PCDHA9: variants seen among roughly 807,000 people sequenced by gnomAD.
The protein encoded by PCDHA9 is protocadherin alpha 9, also known as protocadherin alpha-9.
In PCDHA9, 62 loss-of-function variants were observed where a neutral mutation model predicts 62.0. The ratio of observed to expected loss-of-function variants is 1.00; its 90% confidence interval spans 0.81 to 1.23. The LOEUF is 1.23. Among genes scored for constraint, PCDHA9 ranks in the 50% most tolerant of loss-of-function variants. The probability of loss-of-function intolerance (pLI) is 0.00; values close to 1 mark genes in which losing one functional copy is unlikely to be tolerated. For missense variants in PCDHA9, 1,205 were observed against 1,249.8 expected (o/e 0.96, Z 0.54); for synonymous variants, 557 against 567.6 (o/e 0.98, Z 0.27).
At chr5:140,897,486 A>G (rs183789033) in intron 1 of PCDHA9, among the ~76,000 whole-genome samples, 2 of 151,962 alleles carry the variant, frequency 1.3e-5, no homozygotes, top group Admixed American at 6.5e-5. Flanking sequence ...ATGATTTCCA[A>G]TTTCAACCAT....
chr5:140,871,567 AT>A (rs1441824086), intron 1 of PCDHA9: 5 of 1,483,054 alleles, frequency 3.4e-6, no homozygotes, highest in African/African-American at 1.4e-5. Context: ...TTTTTCACGG[AT>A]TTTTTAAGGG....
intron 3 of PCDHA9, among the ~76,000 whole-genome samples, chr5:140,984,053 TC>T (rs2097083610): frequency 6.6e-6 from 1 of 152,154 alleles, no homozygotes; most frequent in Non-Finnish European, 1.5e-5. Flanking sequence ...CATTGACAAA[TC>T]TGTACCCTCA....
chr5:140,994,149 G>A (rs1299780463), intron 3 of PCDHA9, among the ~76,000 whole-genome samples: 2 of 152,174 alleles, frequency 1.3e-5, no homozygotes, highest in Non-Finnish European at 2.9e-5. Context: ...TACGTAGGTA[G>A]GGTCAACGAA....
intron 1 of PCDHA9, among the ~76,000 whole-genome samples, chr5:140,944,386 T>C (rs1228891284): frequency 6.6e-6 from 1 of 152,054 alleles, no homozygotes; most frequent in Admixed American, 6.6e-5. Flanking sequence ...GGAGTCTCAC[T>C]GTGTTATCCA....
chr5:140,908,490 G>T (rs149646315), intron 1 of PCDHA9, among the ~76,000 whole-genome samples: 3,582 of 152,250 alleles, frequency 0.024, 49 homozygotes, highest in Middle Eastern at 0.034. Flanking sequence ...GGCAGTTCAG[G>T]TTGCTTGGTG....
Position 140,849,931 on chromosome 5 carries a change from C to T in PCDHA9, c.1436C>T (p.Ala479Val), listed in dbSNP as rs2150458140. Residue 479 changes from alanine (A) to valine (V), a missense_variant, in exon 1 of 4, where the codon GCG becomes GTG. Coordinates refer to ENST00000532602, the MANE Select transcript of PCDHA9 (RefSeq NM_031857.2). ...GGCTGCCACATCTTCACGGTGTCTG[C>T]GCGGGACGCTGACGCGCAGGAGAAC... ...PPGCHIFTVS[A>V]RDADAQENAL... 3 of 1,598,012 alleles carry T rather than the reference C, an allele frequency of 1.9e-6. No individual in the cohort carries two copies. The highest frequency in any genetic ancestry group is 1.7e-6 in the Non-Finnish European group (2 of 1,167,774).
intron 1 of PCDHA9, chr5:140,967,112 C>G: frequency 6.2e-7 from 1 of 1,612,994 alleles, no homozygotes; most frequent in Non-Finnish European, 8.5e-7. Context: ...GCAGCGGCCT[C>G]GCTGCCTGCT....
intron 1 of PCDHA9, among the ~76,000 whole-genome samples, chr5:140,947,914 GCCTTAAC>G (rs2094192185): frequency 6.6e-6 from 1 of 151,456 alleles, no homozygotes. Context: ...AGACATTCTT[GCCTTAAC>G]CCTGATCTTA....
intron 1 of PCDHA9, chr5:140,857,440 G>A (rs2044596243): frequency 6.3e-7 from 1 of 1,598,588 alleles, no homozygotes; most frequent in Non-Finnish European, 8.6e-7. Context: ...TGTTCGTGAA[G>A]GAGAACAACC....
intron 1 of PCDHA9, chr5:140,966,508 A>G (rs1288054154): frequency 9.2e-6 from 4 of 434,452 alleles, no homozygotes; most frequent in African/African-American, 4.1e-5. Context: ...TAGCGGCAGC[A>G]GCAGCAGGAA....
At chr5:140,978,763 A>G (rs932766044) in intron 1 of PCDHA9, among the ~76,000 whole-genome samples, 186 bp from the exon 2 acceptor site, 11 of 152,258 alleles carry the variant, frequency 7.2e-5, no homozygotes, top group Non-Finnish European at 1.3e-4. Flanking sequence ...GAGGACCCTG[A>G]TGAACTAATT....
chr5:140,959,254 G>A (rs1318438220), intron 1 of PCDHA9, among the ~76,000 whole-genome samples: 3 of 152,054 alleles, frequency 2.0e-5, no homozygotes, highest in Non-Finnish European at 2.9e-5. Context: ...GTGCATGACT[G>A]TAGTCCCAGC....
chr5:140,941,191 T>TTTTTTTCTTTC (rs1554213809), intron 1 of PCDHA9, among the ~76,000 whole-genome samples: 6 of 93,206 alleles, frequency 6.4e-5, no homozygotes, highest in Admixed American at 2.5e-4. Context: ...GCTTCTTTTT[T>TTTTTTTCTTTC]TTTCTTTCTT....
chr5:140,868,044 A>G (rs1224087993), intron 1 of PCDHA9: 1 of 152,140 alleles, frequency 6.6e-6, no homozygotes, highest in Non-Finnish European at 1.5e-5. Flanking sequence ...TGGAAATACC[A>G]ATATGGCACA....
intron 1 of PCDHA9, among the ~76,000 whole-genome samples, chr5:140,881,114 T>A (rs2058590741): frequency 6.6e-6 from 1 of 152,204 alleles, no homozygotes; most frequent in Admixed American, 6.5e-5. Context: ...GGCCTGGGAT[T>A]TTGTGGCTTG....
intron 1 of PCDHA9, chr5:140,871,485 C>T (rs1554165663): frequency 8.2e-6 from 13 of 1,593,104 alleles, no homozygotes; most frequent in Admixed American, 1.8e-5. Context: ...GGTCAAATCA[C>T]CCCGGACAGG....
chr5:140,858,325 G>A, intron 1 of PCDHA9: 1 of 1,596,768 alleles, frequency 6.3e-7, no homozygotes, highest in Non-Finnish European at 8.6e-7. Context: ...TGTGTTCTGG[G>A]GAGGGCCTGC....
In PCDHA9 at chr5:140,999,156, C is replaced by T. The variant is rs533302480; in HGVS notation, c.2543-10471C>T. On this transcript the variant is annotated intron_variant, in intron 3 of 3. Transcript: ENST00000532602. ...GTCACAGCCGGAAGTCTTCAGTCCCCTAGAAGGAAAAGAGCCTGATGGGGA... is the reference window on the plus strand; with the variant it reads ...GTCACAGCCGGAAGTCTTCAGTCCCTTAGAAGGAAAAGAGCCTGATGGGGA... 4.6e-5 allele frequency among the ~76,000 whole-genome samples: 7 copies of T among 152,280 alleles called. No individual in the cohort carries two copies. In the East Asian group the frequency reaches 1.4e-3, roughly 29 times the overall value.
At chr5:140,968,770 A>G in intron 1 of PCDHA9, 2 of 1,614,216 alleles carry the variant, frequency 1.2e-6, no homozygotes, top group Non-Finnish European at 1.7e-6. Context: ...ATGGAGAGCC[A>G]TCACTATCAG....
Sources: allele counts gnomAD v4.1 joint callset (sites outside exome capture counted in the v4.1 genomes callset), GRCh38; gene constraint gnomAD v4.1.1; transcripts MANE v1.5; gene names NCBI Gene and HGNC (gene_info 2026-07-23, HGNC 2026-07-21).